Variants in NFIB observed in about 807,000 individuals in gnomAD.
NFIB encodes the protein nuclear factor 1 B-type.
Under a neutral mutation model 61.5 loss-of-function variants are expected in NFIB, and 11 were observed. The ratio of observed to expected loss-of-function variants is 0.18; its 90% CI spans 0.11 to 0.30. The LOEUF (loss-of-function observed/expected upper bound fraction) is 0.30, where lower values mean the gene tolerates loss of function less well. Ranked by LOEUF, NFIB falls within the 10% of genes least tolerant of loss-of-function variation. The pLI is 1.00. For missense variants in NFIB, 471 were observed against 608.9 expected (o/e 0.77, Z 2.38); for synonymous variants, 260 against 216.5 (o/e 1.20, Z -1.76).
chr9:14,204,597 G>T, intron 2 of NFIB: 1 of 1,042,882 alleles, frequency 9.6e-7, no homozygotes, highest in East Asian at 2.5e-5. Context: ...CTGTTGGCCC[G>T]GGCGGAGAAG....
At chr9:14,094,943 G>A (rs917819085) in intron 10 of NFIB, among the ~76,000 whole-genome samples, 7 of 152,010 alleles carry the variant, frequency 4.6e-5, no homozygotes, top group African/African-American at 1.7e-4. Context: ...CCATGCGTGA[G>A]TGCTAGCACT....
chr9:14,493,586 C>T, the NFIB span, among the ~76,000 whole-genome samples: 1 of 152,052 alleles, frequency 6.6e-6, no homozygotes, highest in South Asian at 2.1e-4. Flanking sequence ...GTCATAATTG[C>T]TTCATCTGTT....
At chr9:14,502,306 A>G in the NFIB span, among the ~76,000 whole-genome samples, 2 of 152,192 alleles carry the variant, frequency 1.3e-5, no homozygotes, top group Non-Finnish European at 2.9e-5. Context: ...TTTGTAGCAA[A>G]CTTCAAAAAG....
chr9:14,341,566 A>T (rs1242987907), intron 1 of NFIB, among the ~76,000 whole-genome samples: 1 of 152,216 alleles, frequency 6.6e-6, no homozygotes, highest in African/African-American at 2.4e-5. Context: ...CTCCAGTGTC[A>T]GTGCCGCTCA....
intron 6 of NFIB, among the ~76,000 whole-genome samples, chr9:14,127,632 G>C (rs2130906863): frequency 6.6e-6 from 1 of 152,136 alleles, no homozygotes; most frequent in South Asian, 2.1e-4. Flanking sequence ...GCATTTTTGA[G>C]TTTTCTTGAA....
At chr9:14,229,020 T>C (rs1173542238) in intron 2 of NFIB, among the ~76,000 whole-genome samples, 1 of 150,216 alleles carries the variant, frequency 6.7e-6, no homozygotes, top group Non-Finnish European at 1.5e-5. Context: ...TTTGGGCAGG[T>C]TTACAGGGAA....
chr9:14,178,454 G>A (rs902591859), intron 3 of NFIB, among the ~76,000 whole-genome samples: 2 of 151,960 alleles, frequency 1.3e-5, no homozygotes, highest in African/African-American at 4.8e-5. Context: ...TCAATGTACA[G>A]TAATATTTAA....
chr9:14,134,563 T>C (rs1162990206), intron 6 of NFIB, among the ~76,000 whole-genome samples: 2 of 152,214 alleles, frequency 1.3e-5, no homozygotes, highest in African/African-American at 4.8e-5. Flanking sequence ...TAAAATTCTA[T>C]GGTGTAGCCA....
intron 1 of NFIB, among the ~76,000 whole-genome samples, chr9:14,337,798 T>C (rs13298477): frequency 1.3e-5 from 2 of 152,232 alleles, no homozygotes; most frequent in East Asian, 1.9e-4. Context: ...TGTTTTTCTT[T>C]TCAGTTTACT....
the NFIB span, among the ~76,000 whole-genome samples, chr9:14,463,871 A>G: frequency 6.6e-6 from 1 of 151,970 alleles, no homozygotes; most frequent in Non-Finnish European, 1.5e-5. Context: ...CGTGTTAGCC[A>G]GGATGGCCTC....
At chr9:14,108,466 T>G (rs1244552301) in intron 10 of NFIB, among the ~76,000 whole-genome samples, 2 of 152,098 alleles carry the variant, frequency 1.3e-5, no homozygotes, top group East Asian at 3.9e-4. Flanking sequence ...AAATTTTCAG[T>G]GTAATGAGAA....
the NFIB span, among the ~76,000 whole-genome samples, chr9:14,499,331 A>C: frequency 4.6e-5 from 7 of 152,020 alleles, no homozygotes; most frequent in Non-Finnish European, 7.4e-5. Flanking sequence ...GCCCAAGGAG[A>C]AAAAGAGCTT....
intron 2 of NFIB, chr9:14,204,459 A>G: frequency 2.9e-6 from 3 of 1,052,030 alleles, no homozygotes; most frequent in Non-Finnish European, 2.9e-6. Flanking sequence ...GTCATCCTCT[A>G]TAAGCGACTG....
chr9:14,168,151 G>C (rs2045130505), intron 3 of NFIB, among the ~76,000 whole-genome samples: 1 of 152,170 alleles, frequency 6.6e-6, no homozygotes, highest in African/African-American at 2.4e-5. Flanking sequence ...GTCAGGTTCT[G>C]AGTAAGGGAA....
chr9:14,412,054 C>A, the NFIB span, among the ~76,000 whole-genome samples: 1 of 152,208 alleles, frequency 6.6e-6, no homozygotes, highest in Admixed American at 6.5e-5. Context: ...GACACCTTGA[C>A]AGCAATATCA....
At chr9:14,227,599 C>T (rs1170541351) in intron 2 of NFIB, among the ~76,000 whole-genome samples, 1 of 152,126 alleles carries the variant, frequency 6.6e-6, no homozygotes, top group South Asian at 2.1e-4. Flanking sequence ...GTACTGTAAT[C>T]ATGGTTTTTT....
At chr9:14,162,265 T>A (rs1000485698) in intron 3 of NFIB, among the ~76,000 whole-genome samples, 1 of 152,074 alleles carries the variant, frequency 6.6e-6, no homozygotes, top group Non-Finnish European at 1.5e-5. Flanking sequence ...TTTCTCATTA[T>A]CTGAAAAAGT....
rs573534872 is a variant in NFIB, at chr9:14,323,264, C to T, written c.109-15744G>A. Among the ~76,000 whole-genome samples, 4 of 152,220 alleles carry T rather than the reference C, an allele frequency of 2.6e-5. No individual in the cohort carries two copies. The South Asian group carries it at 6.2e-4, about 24-fold the overall frequency. ...ACCAACACCAAAGAGATAATACAAC[C>T]CCGGAGTTCCCAGAAGTAAACACTC... On this transcript the variant is annotated intron_variant, in intron 1 of 8. Transcript: ENST00000380934.
chr9:14,507,067 C>A, the NFIB span, among the ~76,000 whole-genome samples: 1 of 152,136 alleles, frequency 6.6e-6, no homozygotes, highest in African/African-American at 2.4e-5. Context: ...TTATTAAAAT[C>A]ATTTAAAAAA....
Sources: allele counts gnomAD v4.1 joint callset (sites outside exome capture counted in the v4.1 genomes callset), GRCh38; gene constraint gnomAD v4.1.1; transcripts MANE v1.5; gene names NCBI Gene and HGNC (gene_info 2026-07-23, HGNC 2026-07-21).